NEXN: variants seen among roughly 807,000 people sequenced by gnomAD.
The protein encoded by NEXN is nexilin.
Under a neutral mutation model 92.6 loss-of-function variants are expected in NEXN, and 65 were observed. The observed-to-expected ratio is 0.70, with a 90% CI of 0.57 to 0.86. The LOEUF is 0.86. Among genes scored for constraint, NEXN ranks in the 40% least tolerant of loss-of-function variants. NEXN has a pLI of 0.00. For synonymous variants in NEXN, 254 were observed against 242.5 expected, an observed-to-expected ratio of 1.05 and a Z score of -0.44; for missense variants, 778 against 771.1, an observed-to-expected ratio of 1.01 and a Z score of -0.11.
At position 77,942,684 on chromosome 1, in the gene NEXN, A is replaced by G. The variant is rs766962142; in HGVS notation, c.1883A>G (p.Tyr628Cys). ...EGEILQDGED[Y>C]QYIERGETYC... ...GAAATACTGCAGGATGGAGAAGACTATCAATATATTGAAAGGGGAGAAACT... is the reference window on the plus strand; with the variant it reads ...GAAATACTGCAGGATGGAGAAGACTGTCAATATATTGAAAGGGGAGAAACT... The change falls in exon 13 of 13, where the codon TAT (tyrosine) becomes TGT (cysteine). Residue 628 changes from tyrosine (Y) to cysteine (C), a missense_variant. Transcript: ENST00000334785. 5 of 1,613,798 alleles carry G rather than the reference A, an allele frequency of 3.1e-6. No individual in the cohort carries two copies. Among genetic ancestry groups the G allele is most frequent in the Non-Finnish European group, 4.2e-6 (5 of 1,179,714 alleles).
chr1:77,922,140 CT>C (rs11365279), intron 5 of NEXN, among the ~76,000 whole-genome samples: 84,685 of 111,850 alleles, frequency 0.76, 31,018 homozygotes, highest in Middle Eastern at 0.85. Context: ...AAAGAGAAGT[CT>C]TTTTTTTTTT....
chr1:77,933,985 G>A (rs1028108298), intron 10 of NEXN, among the ~76,000 whole-genome samples: 15 of 149,040 alleles, frequency 1.0e-4, no homozygotes, highest in African/African-American at 2.0e-4. Flanking sequence ...TGGGGTGCAC[G>A]CAGCACCATG....
chr1:77,893,977 G>A (rs574085605), intron 1 of NEXN, among the ~76,000 whole-genome samples: 4 of 151,864 alleles, frequency 2.6e-5, no homozygotes, highest in Admixed American at 6.6e-5. Context: ...ATAGCCATTC[G>A]CCACCACGCC....
intron 1 of NEXN, among the ~76,000 whole-genome samples, chr1:77,898,345 G>T (rs900135181): frequency 2.5e-4 from 38 of 152,270 alleles, no homozygotes; most frequent in African/African-American, 8.9e-4. Flanking sequence ...AGAGCCCTCA[G>T]AAATAATGCC....
intron 5 of NEXN, among the ~76,000 whole-genome samples, chr1:77,919,784 G>C (rs150124763): frequency 0.012 from 1,788 of 152,180 alleles, 32 homozygotes; most frequent in African/African-American, 0.042. Context: ...ATTTTTAGTG[G>C]AGACGGGGTT....
chr1:77,912,311 TGGG>T (rs891118086), intron 1 of NEXN, among the ~76,000 whole-genome samples: 2 of 152,178 alleles, frequency 1.3e-5, no homozygotes, highest in South Asian at 4.1e-4. Flanking sequence ...ATGTATATAA[TGGG>T]GGGGACATAC....
intron 11 of NEXN, among the ~76,000 whole-genome samples, chr1:77,939,638 T>C (rs1370925760): frequency 1.3e-5 from 2 of 152,248 alleles, no homozygotes; most frequent in Non-Finnish European, 2.9e-5. Flanking sequence ...ACTGGCTCTC[T>C]AGTATACATG....
In NEXN at chr1:77,929,502, A is replaced by G. The variant is rs773467629; in HGVS notation, c.1051A>G (p.Met351Val). The change falls in exon 9 of 13, where the codon ATG becomes GTG. Residue 351 changes from methionine to valine, a missense_variant and splice_region_variant. Met to Val is a conservative substitution (Grantham distance 21). This residue lies in a region of NEXN where 532 missense variants were observed against 476.7 expected (regional missense o/e 1.12). Transcript: ENST00000334785. ...GGCGTTTGCTGAAGCAAGGAGAAATATGGTAAGACAGAAGCTAACTGGAGA... is the reference window on the plus strand; with the variant it reads ...GGCGTTTGCTGAAGCAAGGAGAAATGTGGTAAGACAGAAGCTAACTGGAGA... ...KKAFAEARRN[M>V]VVDDDSPEMY... 22 of 1,612,204 alleles carry G rather than the reference A, an allele frequency of 1.4e-5. No individual in the cohort carries two copies. The Admixed American group carries it at 2.5e-4, about 18-fold the overall frequency.
intron 1 of NEXN, among the ~76,000 whole-genome samples, chr1:77,902,121 GA>G (rs1268399738): frequency 1.3e-5 from 2 of 151,906 alleles, no homozygotes; most frequent in African/African-American, 4.8e-5. Context: ...AATGTTTCTT[GA>G]AAAAACATCA....
At chr1:77,925,135 G>C in intron 5 of NEXN, 53 bp from the exon 6 acceptor site, 1 of 1,252,234 alleles carries the variant, frequency 8.0e-7, no homozygotes, top group Non-Finnish European at 1.2e-6. Flanking sequence ...TTGTTTAAAA[G>C]CAAAAAGTAG....
intron 1 of NEXN, among the ~76,000 whole-genome samples, chr1:77,902,657 G>A (rs1479250484): frequency 6.6e-6 from 1 of 152,160 alleles, no homozygotes; most frequent in East Asian, 1.9e-4. Flanking sequence ...GGTGTATGGG[G>A]GTTCATTGTA....
At position 77,935,803 on chromosome 1, in the gene NEXN, CTTA is replaced by C. The variant is rs757960318; in HGVS notation, c.1252-16_1252-14del. The C allele has an allele frequency of 1.2e-6, 2 of 1,600,690 alleles. No individual in the cohort carries two copies. The highest frequency in any genetic ancestry group is 1.7e-6 in the Non-Finnish European group (2 of 1,170,552). On this transcript the variant is annotated splice_polypyrimidine_tract_variant and intron_variant, in intron 10 of 12. Coordinates refer to ENST00000334785, the MANE Select transcript of NEXN (RefSeq NM_144573.4). Reference sequence around the variant, plus strand: ...CTCTCTCAAAAACAGCAGCAACAAACTTATTAATTTTTTTTGAAGGAAGAGGAA... The same window carrying C: ...CTCTCTCAAAAACAGCAGCAACAAACTTAATTTTTTTTGAAGGAAGAGGAA...
chr1:77,936,323 C>G (rs1571158519), intron 11 of NEXN, among the ~76,000 whole-genome samples: 2 of 152,292 alleles, frequency 1.3e-5, no homozygotes, highest in East Asian at 3.9e-4. Flanking sequence ...CGTGGTGGCT[C>G]ACGCCTATAA....
intron 6 of NEXN, among the ~76,000 whole-genome samples, chr1:77,925,473 C>T (rs1649772946): frequency 6.6e-6 from 1 of 152,152 alleles, no homozygotes; most frequent in African/African-American, 2.4e-5. Context: ...CCTTATTAGT[C>T]TCAGTTTGAG....
chr1:77,912,144 C>T (rs991925508), intron 1 of NEXN, among the ~76,000 whole-genome samples: 1 of 151,018 alleles, frequency 6.6e-6, no homozygotes, highest in African/African-American at 2.4e-5. Context: ...ATAAGGGATA[C>T]TCAACATGTA....
chr1:77,933,936 A>C (rs1192047506), intron 10 of NEXN, among the ~76,000 whole-genome samples: 3 of 151,828 alleles, frequency 2.0e-5, no homozygotes, highest in Admixed American at 1.3e-4. Context: ...CCCATGCTCA[A>C]GTGATCCTCA....
intron 1 of NEXN, among the ~76,000 whole-genome samples, chr1:77,892,490 T>A (rs1327676708): frequency 6.6e-6 from 1 of 152,216 alleles, no homozygotes; most frequent in Admixed American, 6.5e-5. Flanking sequence ...TACCTGTCAA[T>A]TATATTACAT....
intron 1 of NEXN, among the ~76,000 whole-genome samples, chr1:77,901,460 C>T (rs1019419010): frequency 6.6e-6 from 1 of 151,958 alleles, no homozygotes; most frequent in African/African-American, 2.4e-5. Context: ...TTGTTATTAT[C>T]CATATAAACA....
At chr1:77,898,025 G>T (rs1647375296) in intron 1 of NEXN, among the ~76,000 whole-genome samples, 1 of 152,124 alleles carries the variant, frequency 6.6e-6, no homozygotes, top group Admixed American at 6.6e-5. Flanking sequence ...ACAAACAAAT[G>T]GAAGAACATT....
Sources: gnomAD v4.1 joint callset for allele counts (sites outside exome capture counted in the v4.1 genomes callset) on GRCh38, gnomAD v4.1.1 for gene constraint, gnomAD v4.1.1 regional missense constraint, MANE v1.5 for transcripts, NCBI Gene and HGNC (gene_info 2026-07-23, HGNC 2026-07-21) for gene names.